The following CRMP1 variants were observed in gnomAD, a reference collection of about 807,000 sequenced individuals.
CRMP1 encodes the protein dihydropyrimidinase-related protein 1.
Under a neutral mutation model 68.3 loss-of-function variants are expected in CRMP1, and 19 were observed. The observed-to-expected ratio is 0.28, with a 90% CI of 0.19 to 0.41. The LOEUF (loss-of-function observed/expected upper bound fraction) is 0.41. Ranked by LOEUF, CRMP1 falls within the 10% of genes least tolerant of loss-of-function variation. The pLI is 1.00. For synonymous variants in CRMP1, 439 were observed against 399.6 expected, an observed-to-expected ratio of 1.10 and a Z score of -1.18; for missense variants, 791 against 967.4, an observed-to-expected ratio of 0.82 and a Z score of 2.42.
At chr4:5,887,288 T>C (rs1294331416) in intron 1 of CRMP1, 1 of 928,110 alleles carries the variant, frequency 1.1e-6, no homozygotes, top group African/African-American at 1.8e-5. Flanking sequence ...TTTGCATAAA[T>C]GAGCAGGCTG....
Position 5,836,690 on chromosome 4 carries a change from C to A in CRMP1, c.1452+75G>T, listed in dbSNP as rs190737248. The A allele has an allele frequency of 3.1e-5, 50 of 1,605,204 alleles. No homozygotes were observed. In the African/African-American group the frequency reaches 5.2e-4, roughly 17 times the overall value. ...AAGAAGGGAACTTTTAAGAACCCAG[C>A]GTGCATAATGCATCGGCTTTCACAG... On this transcript the variant is annotated intron_variant, in intron 10 of 13. Transcript: ENST00000324989.
intron 13 of CRMP1, among the ~76,000 whole-genome samples, chr4:5,822,163 C>T (rs1442818292): frequency 1.3e-5 from 2 of 152,224 alleles, no homozygotes; most frequent in African/African-American, 2.4e-5. Flanking sequence ...TGTGTGCAGG[C>T]GCACATTTGG....
chr4:5,832,577 A>G (rs886988093), intron 11 of CRMP1, among the ~76,000 whole-genome samples: 2 of 152,238 alleles, frequency 1.3e-5, no homozygotes, highest in African/African-American at 4.8e-5. Context: ...TTCTCAATCC[A>G]TGTTCTGAAA....
rs58583102 is a variant in CRMP1, at chr4:5,891,175, T to TACACAC, written c.381+1408_381+1413dup. Among the ~76,000 whole-genome samples the TACACAC allele has an allele frequency of 0.22, 29,133 of 131,742 alleles. 3,576 individuals carry two copies. The highest frequency in any genetic ancestry group is 0.29 in the Middle Eastern group (71 of 248). 86.4% of individuals were successfully genotyped at this position (131,742 alleles called of 152,430 possible). ...TGATCACCCCACCACCACACACACA[T>TACACAC]ACACACACACACACACACACACACA... On this transcript the variant is annotated intron_variant, in intron 1 of 13. Transcript: ENST00000324989. This position sits in a 1 kb window ranked among gnomAD's most constrained non-coding sequence, Gnocchi z 5.2.
chr4:5,869,392 A>C (rs1479736203), intron 1 of CRMP1, among the ~76,000 whole-genome samples: 1 of 152,206 alleles, frequency 6.6e-6, no homozygotes, highest in Non-Finnish European at 1.5e-5. Context: ...GGGAGAAAGA[A>C]GTAAACTGGG....
intron 3 of CRMP1, among the ~76,000 whole-genome samples, chr4:5,857,115 A>T (rs200588900): frequency 7.2e-6 from 1 of 139,376 alleles, no homozygotes; most frequent in African/African-American, 2.7e-5. Context: ...CCACCACCAC[A>T]ATCATCACCA....
At chr4:5,862,839 C>A (rs1560509774) in intron 2 of CRMP1, among the ~76,000 whole-genome samples, 1 of 152,190 alleles carries the variant, frequency 6.6e-6, no homozygotes, top group Non-Finnish European at 1.5e-5. Context: ...GATAGGGTCT[C>A]TGTCAGCCAG....
In CRMP1 at chr4:5,861,674, T is replaced by C. The variant is rs1243296352; in HGVS notation, c.471-464A>G. On this transcript the variant is annotated intron_variant, in intron 2 of 13. Coordinates refer to ENST00000324989, the MANE Select transcript of CRMP1 (RefSeq NM_001014809.3). This position sits in a 1 kb window ranked among gnomAD's most constrained non-coding sequence, Gnocchi z 6.0. The stretch of plus-strand genomic sequence containing the variant: ...GAAACGAAGCCCCCGGGGATCTCCA[T>C]GGGTGACTTATTGATGACGGTGGCT... 1.3e-5 allele frequency among the ~76,000 whole-genome samples: 2 copies of C among 152,084 alleles called. No homozygotes were observed. The highest frequency in any genetic ancestry group is 2.1e-4 in the South Asian group (1 of 4,826).
In CRMP1 at chr4:5,850,255, C is replaced by T. The variant is rs928997939; in HGVS notation, c.883-783G>A. Among the ~76,000 whole-genome samples, 2 of 152,210 alleles carry T rather than the reference C, an allele frequency of 1.3e-5. No individual in the cohort carries two copies. Among genetic ancestry groups the T allele is most frequent in the African/African-American group, 4.8e-5 (2 of 41,456 alleles). ...AGCAAATAGGGAAGGCATGTGGAGG[C>T]ATGAAGCACTTTTGAGAACCTGCAC... On this transcript the variant is annotated intron_variant, in intron 5 of 13. Transcript: ENST00000324989. This position sits in a 1 kb window ranked among gnomAD's most constrained non-coding sequence, Gnocchi z 4.4.
chr4:5,871,088 T>C (rs1714403353), intron 1 of CRMP1, among the ~76,000 whole-genome samples: 1 of 152,004 alleles, frequency 6.6e-6, no homozygotes, highest in Admixed American at 6.6e-5. Context: ...GAGCTCATGT[T>C]CAAATCCACT....
intron 1 of CRMP1, among the ~76,000 whole-genome samples, chr4:5,876,835 C>T (rs935171398): frequency 2.6e-5 from 4 of 151,172 alleles, no homozygotes; most frequent in African/African-American, 9.8e-5. Context: ...CCCATCGGGG[C>T]TTTTATCAAG....
chr4:5,844,870 A>G (rs1431802836), intron 6 of CRMP1, among the ~76,000 whole-genome samples: 1 of 152,224 alleles, frequency 6.6e-6, no homozygotes, highest in African/African-American at 2.4e-5. Flanking sequence ...AAAGATGTGA[A>G]CCTATGGTTA....
intron 4 of CRMP1, among the ~76,000 whole-genome samples, chr4:5,851,754 A>G (rs1478216225): frequency 5.6e-5 from 8 of 143,286 alleles, no homozygotes; most frequent in African/African-American, 1.1e-4. Context: ...GGAAGAGGAG[A>G]AGGAGGAGGA....
intron 6 of CRMP1, among the ~76,000 whole-genome samples, chr4:5,847,296 G>C (rs112980232): frequency 6.6e-6 from 1 of 152,094 alleles, no homozygotes; most frequent in African/African-American, 2.4e-5. Context: ...ACCTGGACCT[G>C]GTTTGGATGA....
chr4:5,872,242 G>C lies in CRMP1; in HGVS notation c.382-5486C>G, dbSNP rs1018189852. Among the ~76,000 whole-genome samples, 1 of 151,770 alleles carries C rather than the reference G, an allele frequency of 6.6e-6. No homozygotes were observed. The highest frequency in any genetic ancestry group is 2.4e-5 in the African/African-American group (1 of 41,278). ...AGAACTGTATACTAAAAAAGTAAAT[G>C]TTACATAATATATGTTTTTAAAATT... On this transcript the variant is annotated intron_variant, in intron 1 of 13. Transcript: ENST00000324989. The surrounding 1 kb of genome is among the most constrained non-coding windows in gnomAD (Gnocchi z 4.6).
chr4:5,869,092 T>C lies in CRMP1; in HGVS notation c.382-2336A>G, dbSNP rs1053242773. ...TCAGACTCCCGAATATTTGAGACTA[T>C]AGGCAATGTGCCACCACACCTGGCT... On this transcript the variant is annotated intron_variant, in intron 1 of 13. Transcript: ENST00000324989. 7.2e-5 allele frequency among the ~76,000 whole-genome samples: 11 copies of C among 152,094 alleles called. No individual in the cohort carries two copies. In the South Asian group the frequency reaches 8.3e-4, roughly 12 times the overall value.
At chr4:5,867,614 G>A (rs189981131) in intron 1 of CRMP1, among the ~76,000 whole-genome samples, 1 of 152,110 alleles carries the variant, frequency 6.6e-6, no homozygotes. Context: ...GATGCTCTCA[G>A]CTCCAGAGGG....
rs1577796427 is a variant in CRMP1, at chr4:5,855,122, T to C, written c.820+1021A>G. Among the ~76,000 whole-genome samples, 2 of 152,212 alleles carry C rather than the reference T, an allele frequency of 1.3e-5. No homozygotes were observed. The highest frequency in any genetic ancestry group is 3.8e-4 in the East Asian group (2 of 5,200). On this transcript the variant is annotated intron_variant, in intron 4 of 13. Transcript: ENST00000324989. The surrounding 1 kb of genome is among the most constrained non-coding windows in gnomAD (Gnocchi z 4.9). ...AAAGAAGGGTTCCACATAACAGCTA[T>C]TGCACAACCACATAGGGGAAAAATC...
At chr4:5,856,396 C>G in intron 3 of CRMP1, 89 bp from the exon 4 acceptor site, 1 of 1,219,626 alleles carries the variant, frequency 8.2e-7, no homozygotes, top group Non-Finnish European at 1.2e-6. Context: ...TCATCACCAT[C>G]ATTACCATCA....
Sources: allele counts gnomAD v4.1 joint callset (sites outside exome capture counted in the v4.1 genomes callset), GRCh38; gene constraint gnomAD v4.1.1; non-coding constraint Gnocchi (gnomAD v3.1); transcripts MANE v1.5; gene names NCBI Gene and HGNC (gene_info 2026-07-23, HGNC 2026-07-21).